RNF17: variants seen among roughly 807,000 people sequenced by gnomAD.
RNF17 encodes ring finger protein 17.
Under a neutral mutation model 200.5 loss-of-function variants are expected in RNF17, and 31 were observed. The observed-to-expected ratio is 0.15, with a 90% CI of 0.12 to 0.21. RNF17 has a LOEUF of 0.21. RNF17 is among the 10% of genes least tolerant of loss of function. The pLI, the probability that RNF17 is intolerant of heterozygous loss-of-function variation, is 1.00. For missense variants in RNF17, 1,628 were observed against 1,905.1 expected (o/e 0.85, Z 2.71); for synonymous variants, 606 against 637.8 (o/e 0.95, Z 0.75).
At chr13:24,847,475 A>G (rs1252439539) in intron 22 of RNF17, among the ~76,000 whole-genome samples, 3 of 151,762 alleles carry the variant, frequency 2.0e-5, no homozygotes, top group African/African-American at 7.3e-5. Context: ...CCTCCCGAGT[A>G]GCTGGAATTA....
At chr13:24,792,713 T>G (rs189862508) in intron 9 of RNF17, among the ~76,000 whole-genome samples, 42 of 152,332 alleles carry the variant, frequency 2.8e-4, no homozygotes, top group African/African-American at 1.0e-3. Context: ...TGATCGTTAT[T>G]TCCACAGTGG....
chr13:24,813,162 G>GT (rs34057853), intron 15 of RNF17, among the ~76,000 whole-genome samples: 34,973 of 151,756 alleles, frequency 0.23, 4,503 homozygotes, highest in Non-Finnish European at 0.29. Context: ...CTTTTTATTT[G>GT]TTTTTTATTT....
In RNF17 at chr13:24,872,143, A is replaced by G. The variant is rs139037424; in HGVS notation, c.4447+1404A>G. On this transcript the variant is annotated intron_variant, in intron 32 of 35. Coordinates refer to ENST00000255324, the MANE Select transcript of RNF17 (RefSeq NM_031277.3). ...GCCTGTCTAATTTTGTATTTTTAGT[A>G]GAGACGGGATTTCTCCATGTTGGTC... is the stretch of plus-strand genomic sequence containing the variant. Among the ~76,000 whole-genome samples the G allele has an allele frequency of 5.3e-3, 797 of 150,418 alleles. 19 individuals carry two copies. In the East Asian group the frequency reaches 0.081, roughly 15 times the overall value.
upstream of RNF17, among the ~76,000 whole-genome samples, chr13:24,761,546 G>A (rs1878739846): frequency 6.6e-6 from 1 of 152,188 alleles, no homozygotes; most frequent in Admixed American, 6.5e-5. Flanking sequence ...TATTCAAGAA[G>A]GGAGCCCTGT....
chr13:24,820,079 T>C lies in RNF17; in HGVS notation c.2092-5540T>C, dbSNP rs562032820. Among the ~76,000 whole-genome samples, 335 of 152,052 alleles carry C rather than the reference T, an allele frequency of 2.2e-3. 3 individuals are homozygous for C. The highest frequency in any genetic ancestry group is 0.01 in the Middle Eastern group (3 of 294). On this transcript the variant is annotated intron_variant, in intron 15 of 35. Coordinates refer to ENST00000255324, the MANE Select transcript of RNF17 (RefSeq NM_031277.3). ...ATATATCTCTGTCTTCCCATTTCCT[T>C]CTGGCTTCCAAAATTTCTTTCTTGT...
chr13:24,883,151 G>GTT (rs779527384), downstream of RNF17: 1 of 1,594,712 alleles, frequency 6.3e-7, no homozygotes, highest in Non-Finnish European at 8.6e-7. Context: ...GTCAGTTACT[G>GTT]TTACTTCATG....
intron 15 of RNF17, chr13:24,824,525 A>G: frequency 4.3e-6 from 1 of 233,994 alleles, no homozygotes; most frequent in Non-Finnish European, 8.2e-6. Context: ...AAGAATTGGT[A>G]TTTGGAGAAA....
chr13:24,775,913 C>T (rs1220818682), intron 3 of RNF17, among the ~76,000 whole-genome samples: 2 of 152,098 alleles, frequency 1.3e-5, no homozygotes, highest in Non-Finnish European at 2.9e-5. Context: ...ATGTTTATTA[C>T]AGTACATGTT....
In RNF17 at chr13:24,874,111, C is replaced by T; in HGVS notation, c.4448-3C>T. ...GATTTTTTCCCTTTTTCTGTCTTTCCAGAAATGCCTTGCCTTGCAGAATAT... is the reference window on the plus strand; with the variant it reads ...GATTTTTTCCCTTTTTCTGTCTTTCTAGAAATGCCTTGCCTTGCAGAATAT... On this transcript the variant is annotated splice_polypyrimidine_tract_variant and splice_region_variant and intron_variant, in intron 32 of 35. Transcript: ENST00000255324. 6.2e-7 allele frequency: 1 copy of T among 1,600,958 alleles called. No homozygotes were observed. The highest frequency in any genetic ancestry group is 8.5e-7 in the Non-Finnish European group (1 of 1,176,990).
intron 33 of RNF17, among the ~76,000 whole-genome samples, chr13:24,874,536 A>C (rs9511493): frequency 0.23 from 34,937 of 150,988 alleles, 4,487 homozygotes; most frequent in Non-Finnish European, 0.29. Flanking sequence ...CAGCCTCCCT[A>C]GTAGTTGGAA....
rs367909629 is a variant in RNF17, at chr13:24,844,618, G to T, written c.2832-34G>T. The T allele has an allele frequency of 1.9e-5, 28 of 1,490,032 alleles. No homozygotes were observed. In the African/African-American group the frequency reaches 2.3e-4, roughly 12 times the overall value. The allele number at this position is 1,490,032 out of a possible 1,614,324, so 92.3% of individuals were successfully genotyped here. ...GTAGCCAGAGAATTATATAAGAAAA[G>T]GTTTGGAAAGTTAAATATTTTTTAT... On this transcript the variant is annotated intron_variant, in intron 20 of 35. Coordinates refer to ENST00000255324, the MANE Select transcript of RNF17 (RefSeq NM_031277.3).
In RNF17 at chr13:24,793,274, A is replaced by T. The variant is rs1402886808; in HGVS notation, c.1168A>T (p.Ile390Phe). Residue 390 changes from isoleucine (I) to phenylalanine (F), a missense_variant, in exon 10 of 36, where the codon ATT (isoleucine) becomes TTT (phenylalanine). Physicochemically the swap from Ile to Phe is conservative, Grantham distance 21. Transcript: ENST00000255324. ...CGTTGCAACAGCATCCCCTAAAACC[A>T]TTGCTGTGTTACCTCAGATGGGATC... is the stretch of plus-strand genomic sequence containing the variant. The part of the protein sequence containing the change: ...KDVATASPKT[I>F]AVLPQMGSSP... The T allele has an allele frequency of 1.2e-6, 2 of 1,613,750 alleles. No homozygotes were observed. Among genetic ancestry groups the T allele is most frequent in the African/African-American group, 2.7e-5 (2 of 74,902 alleles).
chr13:24,800,327 A>G lies in RNF17; in HGVS notation c.1590-39A>G, dbSNP rs1304906394. The stretch of plus-strand genomic sequence containing the variant: ...TGGGGGAAAACAAATTTAAGTTTGA[A>G]GCATTATTTTCAATAAATATTACTT... On this transcript the variant is annotated intron_variant, in intron 12 of 35. Transcript: ENST00000255324. The G allele has an allele frequency of 1.4e-6, 2 of 1,408,454 alleles. 1 individual carries two copies. The highest frequency in any genetic ancestry group is 2.9e-5 in the South Asian group (2 of 68,896). The allele number at this position is 1,408,454 out of a possible 1,614,324, so 87.2% of individuals were successfully genotyped here.
intron 30 of RNF17, 66 bp downstream of exon 30, chr13:24,866,269 G>A: frequency 1.2e-6 from 1 of 815,444 alleles, no homozygotes; most frequent in South Asian, 1.6e-5. Context: ...TCTGATACAG[G>A]ACAGAAAGCT....
downstream of RNF17, chr13:24,882,149 TAG>T (rs370085720): frequency 1.9e-3 from 9 of 4,694 alleles, 2 homozygotes; most frequent in Non-Finnish European, 0.014. Flanking sequence ...TACATCTATA[TAG>T]ATAGATACAT....
intron 15 of RNF17, among the ~76,000 whole-genome samples, chr13:24,812,619 G>A (rs1315372075): frequency 6.6e-6 from 1 of 151,304 alleles, no homozygotes; most frequent in Non-Finnish European, 1.5e-5. Context: ...TGTTGACACT[G>A]GGAGCTGTAG....
chr13:24,882,476 AC>A, downstream of RNF17: 1 of 138,158 alleles, frequency 7.2e-6, no homozygotes, highest in African/African-American at 2.5e-5. Flanking sequence ...CCATGAGGCT[AC>A]AGTAATCTCA....
intron 15 of RNF17, among the ~76,000 whole-genome samples, chr13:24,813,621 G>T (rs910142302): frequency 6.6e-6 from 1 of 151,774 alleles, no homozygotes; most frequent in Non-Finnish European, 1.5e-5. Context: ...AAATATTTGC[G>T]TGTAACTACT....
intron 10 of RNF17, among the ~76,000 whole-genome samples, chr13:24,793,834 A>G (rs1016463726): frequency 4.6e-5 from 7 of 152,178 alleles, no homozygotes; most frequent in Non-Finnish European, 8.8e-5. Flanking sequence ...ATTAACATGG[A>G]GTGAGATACT....
Sources: allele counts gnomAD v4.1 joint callset (sites outside exome capture counted in the v4.1 genomes callset), GRCh38; gene constraint gnomAD v4.1.1; transcripts MANE v1.5; gene names NCBI Gene and HGNC (gene_info 2026-07-23, HGNC 2026-07-21).